CLVS1: variants seen among roughly 807,000 people sequenced by gnomAD.
The protein encoded by CLVS1 is clavesin-1.
A neutral mutation model predicts 33.1 loss-of-function variants in CLVS1; 10 were observed. The ratio of observed to expected loss-of-function variants is 0.30; its 90% CI spans 0.19 to 0.51. The LOEUF (loss-of-function observed/expected upper bound fraction) is 0.51. CLVS1 is among the 20% of genes least tolerant of loss of function. CLVS1 has a pLI of 0.97. For synonymous variants in CLVS1, 163 were observed against 166.1 expected (o/e 0.98, Z 0.14); for missense variants, 343 against 433.4 (o/e 0.79, Z 1.85).
chr8:61,035,744 A>G, the CLVS1 span, among the ~76,000 whole-genome samples: 1 of 152,208 alleles, frequency 6.6e-6, no homozygotes, highest in Non-Finnish European at 1.5e-5. Context: ...CAATGATGAT[A>G]CGTTATGTCT....
chr8:61,187,424 C>G (rs534542234), intron 2 of CLVS1, among the ~76,000 whole-genome samples: 1 of 152,202 alleles, frequency 6.6e-6, no homozygotes, highest in South Asian at 2.1e-4. Flanking sequence ...CTGACCTTCC[C>G]CCATTAAAAA....
the CLVS1 span, among the ~76,000 whole-genome samples, chr8:60,999,040 G>T: frequency 1.3e-5 from 2 of 152,314 alleles, no homozygotes; most frequent in Non-Finnish European, 2.9e-5. Flanking sequence ...GTGTCTTGGG[G>T]TGTGATGGGC....
intron 2 of CLVS1, among the ~76,000 whole-genome samples, chr8:61,365,234 T>G (rs1299568336): frequency 5.9e-5 from 9 of 152,088 alleles, no homozygotes; most frequent in African/African-American, 1.9e-4. Flanking sequence ...CAATGCAAGA[T>G]CTATAAATGT....
At chr8:60,987,716 C>T in the CLVS1 span, among the ~76,000 whole-genome samples, 62 of 152,042 alleles carry the variant, frequency 4.1e-4, no homozygotes, top group African/African-American at 1.5e-3. Flanking sequence ...TTCATTCATG[C>T]CCAGTAACAA....
the CLVS1 span, among the ~76,000 whole-genome samples, chr8:61,024,976 T>C: frequency 6.6e-6 from 1 of 152,028 alleles, no homozygotes; most frequent in Admixed American, 6.5e-5. Flanking sequence ...TCCTCCTGAG[T>C]AGCTGGGATT....
upstream of CLVS1, among the ~76,000 whole-genome samples, chr8:61,054,394 C>T (rs1804439855): frequency 6.6e-6 from 1 of 152,124 alleles, no homozygotes; most frequent in Non-Finnish European, 1.5e-5. Flanking sequence ...TCCCCAGGAC[C>T]TTATGACAGC....
chr8:61,499,165 T>TGAG (rs1804431537), intron 5 of CLVS1, among the ~76,000 whole-genome samples: 1 of 152,018 alleles, frequency 6.6e-6, no homozygotes, highest in Non-Finnish European at 1.5e-5. Flanking sequence ...GTAGTTATTT[T>TGAG]GAGTGTCTTT....
the CLVS1 span, among the ~76,000 whole-genome samples, chr8:61,041,395 G>A: frequency 2.0e-5 from 3 of 151,998 alleles, no homozygotes; most frequent in Non-Finnish European, 2.9e-5. Flanking sequence ...TAGGAATAAT[G>A]TTGAATCTAT....
At chr8:61,210,209 C>T (rs577043953) in intron 2 of CLVS1, among the ~76,000 whole-genome samples, 1 of 152,254 alleles carries the variant, frequency 6.6e-6, no homozygotes, top group East Asian at 1.9e-4. Context: ...AAGGGCTTGC[C>T]CTAATGACTG....
chr8:61,215,778 C>T (rs538241591), intron 2 of CLVS1, among the ~76,000 whole-genome samples: 1 of 150,284 alleles, frequency 6.7e-6, no homozygotes, highest in South Asian at 2.1e-4. Context: ...AAAGTCACTG[C>T]CAAGGGAGGT....
At chr8:61,279,909 T>C (rs1585744570) in intron 2 of CLVS1, among the ~76,000 whole-genome samples, 1 of 152,204 alleles carries the variant, frequency 6.6e-6, no homozygotes, top group East Asian at 1.9e-4. Flanking sequence ...TGAGACTTCA[T>C]CTAATATGAT....
chr8:61,022,469 TGA>T, the CLVS1 span, among the ~76,000 whole-genome samples: 1 of 152,186 alleles, frequency 6.6e-6, no homozygotes, highest in Admixed American at 6.5e-5. Context: ...TTTAATTGTG[TGA>T]AAGTACCTGA....
the CLVS1 span, among the ~76,000 whole-genome samples, chr8:60,982,362 A>G: frequency 1.3e-5 from 2 of 152,340 alleles, no homozygotes; most frequent in East Asian, 1.9e-4. Context: ...ATTTAACCAG[A>G]TGCTGGAATG....
chr8:61,450,668 G>T (rs1046788932), intron 3 of CLVS1, among the ~76,000 whole-genome samples: 1 of 152,096 alleles, frequency 6.6e-6, no homozygotes, highest in Non-Finnish European at 1.5e-5. Flanking sequence ...TGTCCCCACT[G>T]CCCTGAAGAC....
At chr8:61,497,443 G>GGA (rs960324522) in intron 5 of CLVS1, among the ~76,000 whole-genome samples, 2 of 2,546 alleles carry the variant, frequency 7.9e-4, no homozygotes, top group Admixed American at 0.01. Flanking sequence ...GGTTTTTATT[G>GGA]GGGGGGGGGT....
chr8:61,406,007 A>C (rs1814971740), intron 3 of CLVS1, among the ~76,000 whole-genome samples: 1 of 152,190 alleles, frequency 6.6e-6, no homozygotes, highest in African/African-American at 2.4e-5. Flanking sequence ...AAAATACTTT[A>C]AGGTGCCTGA....
the CLVS1 span, among the ~76,000 whole-genome samples, chr8:60,985,930 G>C: frequency 6.6e-6 from 1 of 152,146 alleles, no homozygotes; most frequent in African/African-American, 2.4e-5. Context: ...TGTAGAAAGA[G>C]TATTGAACTG....
intron 2 of CLVS1, among the ~76,000 whole-genome samples, chr8:61,225,187 A>T (rs1344867538): frequency 2.0e-5 from 3 of 151,974 alleles, no homozygotes; most frequent in East Asian, 3.9e-4. Flanking sequence ...GTATGATGTC[A>T]TATGCCTGTA....
At chr8:61,066,310 A>G (rs1400313282) in intron 1 of CLVS1, among the ~76,000 whole-genome samples, 1 of 152,206 alleles carries the variant, frequency 6.6e-6, no homozygotes, top group Non-Finnish European at 1.5e-5. Context: ...AGCCCGGGCA[A>G]CATGGTGAAA....
Sources: gnomAD v4.1 joint callset for allele counts (sites outside exome capture counted in the v4.1 genomes callset) on GRCh38, gnomAD v4.1.1 for gene constraint, MANE v1.5 for transcripts, NCBI Gene and HGNC (gene_info 2026-07-23, HGNC 2026-07-21) for gene names.